Variants in SEMA3A observed in about 807,000 individuals in gnomAD.
SEMA3A encodes the protein semaphorin 3A.
A neutral mutation model predicts 97.9 loss-of-function variants in SEMA3A; 29 were observed. The observed-to-expected ratio is 0.30, with a 90% CI of 0.22 to 0.40. The LOEUF (loss-of-function observed/expected upper bound fraction) is 0.40. Among genes scored for constraint, SEMA3A ranks in the 10% least tolerant of loss-of-function variants. The pLI, the probability that SEMA3A is intolerant of heterozygous loss-of-function variation, is 1.00. For synonymous variants in SEMA3A, 321 were observed against 323.7 expected (o/e 0.99, Z 0.09); for missense variants, 763 against 951.3 (o/e 0.80, Z 2.60).
chr7:84,058,317 T>C (rs1735755702), intron 5 of SEMA3A, among the ~76,000 whole-genome samples: 1 of 152,224 alleles, frequency 6.6e-6, no homozygotes, highest in Non-Finnish European at 1.5e-5. Context: ...TGTATATTTC[T>C]GAGACAGCTG....
At chr7:84,001,882 T>C in intron 12 of SEMA3A, 73 bp downstream of exon 12, 2 of 1,003,206 alleles carry the variant, frequency 2.0e-6, no homozygotes, top group Non-Finnish European at 3.1e-6. Context: ...CCATACCAAG[T>C]TCAGTGTGCA....
Position 84,194,563 on chromosome 7 carries a change from G to A in SEMA3A, c.24C>T (p.Val8=). The A allele has an allele frequency of 6.2e-7, 1 of 1,612,412 alleles. No individual in the cohort carries two copies. Among genetic ancestry groups the A allele is most frequent in the Non-Finnish European group, 8.5e-7 (1 of 1,178,554 alleles). The change falls in exon 1 of 17, where the codon GTC becomes GTT. Residue 8 remains valine, a synonymous_variant. Coordinates refer to ENST00000265362, the MANE Select transcript of SEMA3A (RefSeq NM_006080.3). The part of the protein sequence containing the change: MGWLTRI[V]CLFWGVLLTA... ...TAAGTAATACTCCCCAGAAAAGACA[G>A]ACAATCCTAGTTAACCAGCCCATGC...
intron 2 of SEMA3A, among the ~76,000 whole-genome samples, chr7:84,353,211 T>C (rs1358071428): frequency 6.6e-6 from 1 of 151,816 alleles, no homozygotes; most frequent in Non-Finnish European, 1.5e-5. Context: ...AGTGCAGACA[T>C]AACCATCCAA....
intron 4 of SEMA3A, among the ~76,000 whole-genome samples, chr7:84,085,354 A>T (rs2115818984): frequency 6.6e-6 from 1 of 152,056 alleles, no homozygotes; most frequent in African/African-American, 2.4e-5. Context: ...ATATCATATT[A>T]CACAGGGATT....
intron 4 of SEMA3A, among the ~76,000 whole-genome samples, chr7:84,075,459 T>TTC (rs1793913991): frequency 2.4e-5 from 1 of 41,228 alleles, no homozygotes; most frequent in Non-Finnish European, 4.4e-5. Flanking sequence ...GCACCTGGTC[T>TTC]TTTTTTTTTT....
chr7:84,159,188 TGTACATA>T (rs1189812675), intron 1 of SEMA3A, among the ~76,000 whole-genome samples: 1 of 152,194 alleles, frequency 6.6e-6, no homozygotes, highest in Non-Finnish European at 1.5e-5. Flanking sequence ...TATCTGCCAC[TGTACATA>T]GTACATAGTG....
chr7:84,057,776 A>AT (rs1332168243), intron 5 of SEMA3A, among the ~76,000 whole-genome samples: 1 of 151,602 alleles, frequency 6.6e-6, no homozygotes, highest in African/African-American at 2.4e-5. Flanking sequence ...AAATAAATAA[A>AT]TAAATAAATA....
intron 5 of SEMA3A, among the ~76,000 whole-genome samples, chr7:84,052,187 CT>C (rs1444077124): frequency 6.6e-6 from 1 of 151,756 alleles, no homozygotes; most frequent in African/African-American, 2.4e-5. Context: ...TTGGTTGTGT[CT>C]CTGCCTGGCT....
At chr7:83,994,505 CCTTT>C (rs1584520095) in intron 12 of SEMA3A, among the ~76,000 whole-genome samples, 2 of 128,926 alleles carry the variant, frequency 1.6e-5, no homozygotes. Flanking sequence ...GTCTGGATGT[CCTTT>C]CTGTTTGTTA....
chr7:83,991,634 A>G (rs1016661015), intron 12 of SEMA3A, among the ~76,000 whole-genome samples: 3 of 151,988 alleles, frequency 2.0e-5, no homozygotes, highest in Admixed American at 6.5e-5. Context: ...ATTGATTTGC[A>G]TATATTGAAC....
intron 3 of SEMA3A, among the ~76,000 whole-genome samples, chr7:84,212,409 AT>A (rs1177674085): frequency 6.6e-6 from 1 of 152,202 alleles, no homozygotes; most frequent in Non-Finnish European, 1.5e-5. Context: ...CTACTTCTCC[AT>A]TTCCCCAACA....
intron 4 of SEMA3A, among the ~76,000 whole-genome samples, chr7:84,066,745 C>G (rs1222875739): frequency 6.6e-6 from 1 of 151,884 alleles, no homozygotes; most frequent in Admixed American, 6.6e-5. Context: ...AGGAGAACTA[C>G]AAACCACTGC....
Position 83,961,560 on chromosome 7 carries a change from G to A in SEMA3A, c.2127C>T (p.Leu709=), listed in dbSNP as rs866711274. The change falls in exon 17 of 17, where the codon CTC becomes CTT. Residue 709 remains leucine, a synonymous_variant. Transcript: ENST00000265362. ...TTGTGTTGAGATTGGGGTGGTTGAT[G>A]AGCTGCATGAAGTCTCTGTACCAGA... ...QKVWYRDFMQ[L]INHPNLNTMD... 34 of 1,613,972 alleles carry A rather than the reference G, an allele frequency of 2.1e-5. No homozygotes were observed. Among genetic ancestry groups the A allele is most frequent in the Middle Eastern group, 1.6e-4 (1 of 6,084 alleles).
At chr7:84,075,340 A>ATT (rs200575659) in intron 4 of SEMA3A, among the ~76,000 whole-genome samples, 1 of 146,274 alleles carries the variant, frequency 6.8e-6, no homozygotes, top group Non-Finnish European at 1.5e-5. Context: ...TGCCAGGCTG[A>ATT]TTTTTTGTGT....
chr7:84,486,976 T>G (rs935325514), intron 1 of SEMA3A, among the ~76,000 whole-genome samples: 2 of 152,244 alleles, frequency 1.3e-5, no homozygotes, highest in Middle Eastern at 6.8e-3. Flanking sequence ...CATACAAATT[T>G]GAAATGCACA....
intron 3 of SEMA3A, among the ~76,000 whole-genome samples, chr7:84,238,173 C>A (rs920306048): frequency 6.6e-6 from 1 of 151,928 alleles, no homozygotes; most frequent in African/African-American, 2.4e-5. Context: ...TTCAAGGGAT[C>A]CTCCTGCCTG....
chr7:84,081,857 CATGTT>C (rs1173612888), intron 4 of SEMA3A, among the ~76,000 whole-genome samples: 4 of 151,876 alleles, frequency 2.6e-5, no homozygotes, highest in Non-Finnish European at 5.9e-5. Context: ...CTTAATGTTA[CATGTT>C]ATATTTATAA....
intron 1 of SEMA3A, among the ~76,000 whole-genome samples, chr7:84,435,015 A>C (rs75577916): frequency 0.032 from 4,853 of 152,260 alleles, 251 homozygotes; most frequent in African/African-American, 0.11. Context: ...TAGAGCAATC[A>C]GGCAAGACAA....
upstream of SEMA3A, among the ~76,000 whole-genome samples, chr7:84,196,131 C>T (rs1345367621): frequency 1.3e-5 from 2 of 151,616 alleles, no homozygotes; most frequent in African/African-American, 2.4e-5. Flanking sequence ...CCACTCCCCA[C>T]CCCCCACCTC....
Sources: allele counts gnomAD v4.1 joint callset (sites outside exome capture counted in the v4.1 genomes callset), GRCh38; gene constraint gnomAD v4.1.1; transcripts MANE v1.5; gene names NCBI Gene and HGNC (gene_info 2026-07-23, HGNC 2026-07-21).